The following LYST variants were observed in gnomAD, a reference collection of about 807,000 sequenced individuals.
The protein encoded by LYST is lysosomal trafficking regulator.
In LYST, 192 loss-of-function variants were observed where a neutral mutation model predicts 413.6. That is an observed-to-expected ratio of 0.46 (90% CI 0.41 to 0.52). LYST has a LOEUF of 0.52. LYST is among the 20% of genes least tolerant of loss of function. LYST has a pLI of 0.00. For synonymous variants in LYST, 1,525 were observed against 1,567.3 expected (o/e 0.97, Z 0.64); for missense variants, 3,815 against 4,499.9 (o/e 0.85, Z 4.35).
rs1160593043 is a variant in LYST at position 235,661,170 on chromosome 1, T to C, written c.*1770A>G. The C allele has an allele frequency of 5.9e-5, 9 of 152,734 alleles. No individual in the cohort carries two copies. The highest frequency in any genetic ancestry group is 8.8e-5 in the Non-Finnish European group (6 of 68,040). 9.5% of individuals were successfully genotyped at this position (152,734 alleles called of 1,614,324 possible). A position where few individuals can be genotyped will look rare whatever the true frequency, so the allele number is the denominator to read the frequency against. ...GTATTTCAAACATATACATATTAGG[T>C]TTCATGCTGAATAAATAATCCCCCC... On this transcript the variant is annotated 3_prime_UTR_variant, in exon 53 of 53. Transcript: ENST00000389793.
chr1:235,781,094 C>T (rs1235039912), intron 15 of LYST, 39 bp from the exon 16 acceptor site: 1 of 1,282,256 alleles, frequency 7.8e-7, no homozygotes, highest in Non-Finnish European at 1.1e-6. Context: ...TTTAAAACAC[C>T]CTAACCAGAA....
At chr1:235,733,094 T>C (rs1664515805) in intron 34 of LYST, among the ~76,000 whole-genome samples, 1 of 152,182 alleles carries the variant, frequency 6.6e-6, no homozygotes, top group South Asian at 2.1e-4. Context: ...TGTATTTTAG[T>C]ACACCAAAGT....
At chr1:235,790,277 G>A (rs930576516) in intron 12 of LYST, among the ~76,000 whole-genome samples, 7 of 152,124 alleles carry the variant, frequency 4.6e-5, no homozygotes, top group African/African-American at 1.7e-4. Context: ...TAAGGCTCTG[G>A]AATTAAAAAC....
chr1:235,750,935 A>G (rs912978600), intron 28 of LYST, among the ~76,000 whole-genome samples: 1 of 152,102 alleles, frequency 6.6e-6, no homozygotes, highest in Non-Finnish European at 1.5e-5. Context: ...CTACTATTTT[A>G]CAATCTCTGC....
chr1:235,694,133 C>G (rs1056149230), intron 46 of LYST, among the ~76,000 whole-genome samples: 4 of 151,980 alleles, frequency 2.6e-5, no homozygotes, highest in African/African-American at 9.7e-5. Context: ...CCTCAGCCTC[C>G]CCAGCAGCTG....
At chr1:235,825,388 A>G (rs910487392) in intron 3 of LYST, among the ~76,000 whole-genome samples, 21 of 152,196 alleles carry the variant, frequency 1.4e-4, no homozygotes, top group African/African-American at 5.1e-4. Flanking sequence ...ACAAATTGGG[A>G]AAAAAGTAAA....
chr1:235,792,220 C>A (rs1671080229), intron 11 of LYST, 95 bp from the exon 12 acceptor site: 2 of 779,148 alleles, frequency 2.6e-6, no homozygotes, highest in African/African-American at 1.7e-5. Context: ...TACAAACATA[C>A]CCACACATAT....
chr1:235,830,285 A>G lies in LYST; in HGVS notation c.133T>C (p.Tyr45His). 6 of 1,613,826 alleles carry G rather than the reference A, an allele frequency of 3.7e-6. No homozygotes were observed. The highest frequency in any genetic ancestry group is 5.1e-6 in the Non-Finnish European group (6 of 1,179,688). The change falls in exon 3 of 53, where the codon TAC (tyrosine) becomes CAC (histidine). Residue 45 changes from tyrosine to histidine, a missense_variant. Physicochemically the swap from Tyr to His is moderately conservative, Grantham distance 83 (BLOSUM62 2). Around this residue, in one of 4 missense-constraint regions of LYST, gnomAD observed 1,648 missense variants for 1,810.3 expected, o/e 0.91. Coordinates refer to ENST00000389793, the MANE Select transcript of LYST (RefSeq NM_000081.4). ...AGAAATCCTCGACCATGGACAAGGT[A>G]CTGTCCAAGGGTTGCCATGTGCGTC... The part of the protein sequence containing the change: ...EETHMATLGQ[Y>H]LVHGRGFLLL...
intron 1 of LYST, among the ~76,000 whole-genome samples, chr1:235,876,217 G>A (rs1681131306): frequency 6.6e-6 from 1 of 152,020 alleles, no homozygotes; most frequent in South Asian, 2.1e-4. Context: ...GTGGGACTCT[G>A]TCTCAAGAAA....
chr1:235,716,913 G>T, intron 40 of LYST, 135 bp from the exon 41 acceptor site: 1 of 589,230 alleles, frequency 1.7e-6, no homozygotes, highest in South Asian at 2.3e-5. Context: ...TAAACATATT[G>T]TTTTGTAACT....
At position 235,746,533 on chromosome 1, in the gene LYST, A is replaced by G. The variant is rs200967528; in HGVS notation, c.7781-6T>C. The G allele has an allele frequency of 2.5e-6, 4 of 1,603,474 alleles. No individual in the cohort carries two copies. The African/African-American group carries it at 4.0e-5, about 16-fold the overall frequency. ...AAGGGGAAATTTTCGAGGACCTTTA[A>G]AAGTATATAAATTAAAACATCAAAT... On this transcript the variant is annotated splice_region_variant and splice_polypyrimidine_tract_variant and intron_variant, in intron 28 of 52. Coordinates refer to ENST00000389793, the MANE Select transcript of LYST (RefSeq NM_000081.4).
At chr1:235,762,664 T>G (rs1558206411) in intron 22 of LYST, 56 bp downstream of exon 22, 1 of 1,541,542 alleles carries the variant, frequency 6.5e-7, no homozygotes, top group East Asian at 2.3e-5. Context: ...TTTAATTATC[T>G]AAGAATATTC....
Position 235,788,211 on chromosome 1 carries a change from G to A in LYST, c.4688+490C>T, listed in dbSNP as rs867057898. Among the ~76,000 whole-genome samples the A allele has an allele frequency of 3.3e-5, 5 of 151,946 alleles. 1 individual carries two copies. The highest frequency in any genetic ancestry group is 2.1e-4 in the South Asian group (1 of 4,816). On this transcript the variant is annotated intron_variant, in intron 13 of 52. Transcript: ENST00000389793. The stretch of plus-strand genomic sequence containing the variant: ...GTCTCACTCTGTCACCCAGACTGGA[G>A]TGCAGTGGCGCGATCTGGGATCACT...
chr1:235,700,193 A>T (rs2103094513), intron 45 of LYST, among the ~76,000 whole-genome samples: 1 of 152,354 alleles, frequency 6.6e-6, no homozygotes, highest in East Asian at 1.9e-4. Flanking sequence ...TTTCATGACG[A>T]AAAGGCCAAA....
intron 50 of LYST, among the ~76,000 whole-genome samples, chr1:235,666,756 G>A (rs1394769122): frequency 6.6e-6 from 1 of 152,006 alleles, no homozygotes; most frequent in Non-Finnish European, 1.5e-5. Context: ...TTTTCCATGA[G>A]TAGGCTACAT....
chr1:235,810,847 AAAC>A, intron 4 of LYST, among the ~76,000 whole-genome samples: 2 of 152,326 alleles, frequency 1.3e-5, no homozygotes, highest in Non-Finnish European at 2.9e-5. Context: ...CTGATTTTTA[AAAC>A]AACAAAAGAG....
chr1:235,844,927 A>C (rs1677621377), intron 1 of LYST, among the ~76,000 whole-genome samples: 1 of 152,160 alleles, frequency 6.6e-6, no homozygotes, highest in Non-Finnish European at 1.5e-5. Context: ...AGATGTGTTA[A>C]GCAATAACCA....
At position 235,754,158 on chromosome 1, in the gene LYST, G is replaced by T. The variant is rs779695101; in HGVS notation, c.7230-884C>A. Among the ~76,000 whole-genome samples the T allele has an allele frequency of 2.0e-5, 3 of 151,756 alleles. No homozygotes were observed. In the South Asian group the frequency reaches 6.2e-4, roughly 32 times the overall value. ...ACCTGAAGGCTCTGAGGAGAGTAAGGCGTTCCTATATGGATCCTTTATGTA... is the reference window on the plus strand; with the variant it reads ...ACCTGAAGGCTCTGAGGAGAGTAAGTCGTTCCTATATGGATCCTTTATGTA... On this transcript the variant is annotated intron_variant, in intron 25 of 52. Coordinates refer to ENST00000389793, the MANE Select transcript of LYST (RefSeq NM_000081.4).
intron 29 of LYST, among the ~76,000 whole-genome samples, chr1:235,745,656 C>T (rs1665845624): frequency 6.6e-6 from 1 of 152,128 alleles, no homozygotes; most frequent in African/African-American, 2.4e-5. Flanking sequence ...TAGCCAAAAA[C>T]TGGAAACAAC....
Sources: gnomAD v4.1 joint callset for allele counts (sites outside exome capture counted in the v4.1 genomes callset) on GRCh38, gnomAD v4.1.1 for gene constraint, gnomAD v4.1.1 regional missense constraint, MANE v1.5 for transcripts, NCBI Gene and HGNC (gene_info 2026-07-23, HGNC 2026-07-21) for gene names.